Variants in CACNA2D1 observed in about 807,000 individuals in gnomAD.
CACNA2D1 encodes the protein calcium voltage-gated channel auxiliary subunit alpha2delta 1.
A neutral mutation model predicts 171.5 loss-of-function variants in CACNA2D1; 53 were observed. That is an observed-to-expected ratio of 0.31 (90% confidence interval 0.25 to 0.39). The LOEUF (loss-of-function observed/expected upper bound fraction) is 0.39. CACNA2D1 is among the 10% of genes least tolerant of loss of function. The pLI is 1.00. For synonymous variants in CACNA2D1, 442 were observed against 443.1 expected, an observed-to-expected ratio of 1.00 and a Z score of 0.03; for missense variants, 903 against 1,299.8, an observed-to-expected ratio of 0.69 and a Z score of 4.69.
chr7:82,393,425 T>C (rs2129450932), intron 1 of CACNA2D1, among the ~76,000 whole-genome samples: 1 of 152,248 alleles, frequency 6.6e-6, no homozygotes, highest in East Asian at 1.9e-4. Flanking sequence ...GTATCCATGT[T>C]AACAAAAATA....
chr7:81,963,741 A>G (rs1008977097), intron 34 of CACNA2D1, among the ~76,000 whole-genome samples: 1 of 152,048 alleles, frequency 6.6e-6, no homozygotes, highest in African/African-American at 2.4e-5. Flanking sequence ...AAAAGAAATT[A>G]GTGTAATGTT....
At chr7:82,090,793 T>G (rs774464602) in intron 6 of CACNA2D1, among the ~76,000 whole-genome samples, 1 of 152,266 alleles carries the variant, frequency 6.6e-6, no homozygotes, top group Non-Finnish European at 1.5e-5. Context: ...TGGACAATCA[T>G]AGAATATTAG....
chr7:82,209,264 T>C (rs1393909837), intron 3 of CACNA2D1, among the ~76,000 whole-genome samples: 1 of 152,224 alleles, frequency 6.6e-6, no homozygotes, highest in Non-Finnish European at 1.5e-5. Flanking sequence ...CTTCTACTTA[T>C]TCATTCTGTG....
chr7:81,984,221 T>G (rs996977511), intron 22 of CACNA2D1, among the ~76,000 whole-genome samples: 6 of 151,976 alleles, frequency 3.9e-5, no homozygotes, highest in Non-Finnish European at 7.4e-5. Context: ...AATAAATAAA[T>G]AAATAACCAG....
intron 21 of CACNA2D1, among the ~76,000 whole-genome samples, chr7:81,987,187 A>C (rs1460523781): frequency 2.6e-5 from 4 of 152,182 alleles, no homozygotes; most frequent in Non-Finnish European, 5.9e-5. Context: ...GCTATACTTA[A>C]TTTAATTATG....
chr7:82,176,056 C>G (rs191452365), intron 3 of CACNA2D1, among the ~76,000 whole-genome samples: 1 of 152,024 alleles, frequency 6.6e-6, no homozygotes, highest in East Asian at 1.9e-4. Flanking sequence ...CAGCTCAGTT[C>G]AGTAAAATAA....
chr7:82,210,221 C>T (rs76085170), intron 3 of CACNA2D1, among the ~76,000 whole-genome samples: 12,865 of 152,066 alleles, frequency 0.085, 723 homozygotes, highest in Non-Finnish European at 0.11. Context: ...AAACAGTTCT[C>T]CTTAAAATTA....
intron 3 of CACNA2D1, among the ~76,000 whole-genome samples, chr7:82,332,510 T>TAAAGAAAGAAAGAAAGAAAGAAAGAAAG (rs757450961): frequency 7.6e-5 from 7 of 92,650 alleles, no homozygotes; most frequent in Non-Finnish European, 1.2e-4. Context: ...AAAAGAAATA[T>TAAAGAAAGAAAGAAAGAAAGAAAGAAAG]AAAGAAAGAA....
At chr7:82,148,195 TA>T (rs1352610636) in intron 4 of CACNA2D1, among the ~76,000 whole-genome samples, 1 of 152,134 alleles carries the variant, frequency 6.6e-6, no homozygotes, top group African/African-American at 2.4e-5. Context: ...GATAGTGCAT[TA>T]TGTTCCTATA....
intron 11 of CACNA2D1, chr7:82,033,187 C>G (rs1403422962): frequency 3.8e-6 from 1 of 262,108 alleles, no homozygotes; most frequent in African/African-American, 2.2e-5. Context: ...AAATTGCAGT[C>G]TCCCTCCAAG....
intron 1 of CACNA2D1, among the ~76,000 whole-genome samples, chr7:82,427,723 G>A (rs1402725197): frequency 6.6e-6 from 1 of 152,186 alleles, no homozygotes; most frequent in African/African-American, 2.4e-5. Context: ...AACCATGCAA[G>A]TTCCATGAAA....
chr7:82,098,978 A>G (rs1356374419), intron 6 of CACNA2D1, among the ~76,000 whole-genome samples: 2 of 152,212 alleles, frequency 1.3e-5, no homozygotes, highest in Admixed American at 1.3e-4. Context: ...GAATAAACTC[A>G]ATTTAATTTT....
At position 81,967,181 on chromosome 7, in the gene CACNA2D1, T is replaced by C. The variant is rs1263078493; in HGVS notation, c.2490A>G (p.Lys830=). The change falls in exon 31 of 39, where the codon AAA becomes AAG. Residue 830 remains lysine (K), a synonymous_variant. Transcript: ENST00000356860. Reference sequence around the variant, plus strand: ...ATAGTTTTCTTACGTCACTGTTTCTTTTGCAGTCACAAACTGGACCAGCAC... The same window carrying C: ...ATAGTTTTCTTACGTCACTGTTTCTCTTGCAGTCACAAACTGGACCAGCAC... ...DPCAGPVCDC[K]RNSDVMDCVI... is the part of the protein sequence containing the mutation. The C allele has an allele frequency of 3.7e-6, 6 of 1,607,790 alleles. No homozygotes were observed. Among genetic ancestry groups the C allele is most frequent in the Non-Finnish European group, 5.1e-6 (6 of 1,175,612 alleles).
At chr7:82,212,096 G>A (rs1246686194) in intron 3 of CACNA2D1, among the ~76,000 whole-genome samples, 2 of 152,072 alleles carry the variant, frequency 1.3e-5, no homozygotes, top group African/African-American at 2.4e-5. Context: ...TGCTTTCTAA[G>A]TCCCTTATAG....
At chr7:81,951,494 TACTC>T (rs911250752) in intron 38 of CACNA2D1, among the ~76,000 whole-genome samples, 49 of 151,988 alleles carry the variant, frequency 3.2e-4, no homozygotes, top group African/African-American at 1.1e-3. Flanking sequence ...CTTTATCCCT[TACTC>T]CCATTCCTCC....
chr7:82,056,938 G>T (rs1805975386), intron 10 of CACNA2D1, among the ~76,000 whole-genome samples: 2 of 148,624 alleles, frequency 1.3e-5, no homozygotes, highest in African/African-American at 5.1e-5. Context: ...ATGACCACAG[G>T]ACTCACAGGG....
At chr7:81,998,329 G>A (rs1482131945) in intron 18 of CACNA2D1, among the ~76,000 whole-genome samples, 1 of 151,906 alleles carries the variant, frequency 6.6e-6, no homozygotes, top group Non-Finnish European at 1.5e-5. Flanking sequence ...TGCTGGATTA[G>A]TGCAAAGGTC....
intron 10 of CACNA2D1, among the ~76,000 whole-genome samples, chr7:82,049,496 G>T (rs951892696): frequency 1.3e-5 from 2 of 152,142 alleles, no homozygotes; most frequent in Non-Finnish European, 2.9e-5. Flanking sequence ...ACAAGCCCCA[G>T]TTAATCATCT....
At chr7:82,146,327 CGT>C (rs1198136888) in intron 4 of CACNA2D1, among the ~76,000 whole-genome samples, 38 of 109,792 alleles carry the variant, frequency 3.5e-4, no homozygotes, top group African/African-American at 6.6e-4. Flanking sequence ...TGTGTGTGTG[CGT>C]GTGTGTGTGT....
Sources: gnomAD v4.1 joint callset for allele counts (sites outside exome capture counted in the v4.1 genomes callset) on GRCh38, gnomAD v4.1.1 for gene constraint, MANE v1.5 for transcripts, NCBI Gene and HGNC (gene_info 2026-07-23, HGNC 2026-07-21) for gene names.